The following CCDC15 variants were observed in gnomAD, a reference collection of about 807,000 sequenced individuals.
The protein encoded by CCDC15 is coiled-coil domain containing 15.
Under a neutral mutation model 114.5 loss-of-function variants are expected in CCDC15, and 105 were observed. That is an observed-to-expected ratio of 0.92 (90% CI 0.78 to 1.08). The LOEUF is 1.08. Among genes scored for constraint, CCDC15 ranks in the 50% least tolerant of loss-of-function variants. The pLI is 0.00. For missense variants in CCDC15, 1,105 were observed against 1,093.6 expected, an observed-to-expected ratio of 1.01 and a Z score of -0.15; for synonymous variants, 334 against 377.8, an observed-to-expected ratio of 0.88 and a Z score of 1.34.
chr11:125,038,213 C>T (rs1948789131), intron 13 of CCDC15: 1 of 335,750 alleles, frequency 3.0e-6, no homozygotes, highest in South Asian at 6.7e-5. Context: ...AGCCACCGCA[C>T]CTAGCCAGGA....
intron 9 of CCDC15, among the ~76,000 whole-genome samples, 196 bp from the exon 10 acceptor site, chr11:124,992,384 T>A (rs1483625884): frequency 6.6e-6 from 1 of 152,238 alleles, no homozygotes; most frequent in African/African-American, 2.4e-5. Flanking sequence ...CAGACTATTC[T>A]GTCAATGATG....
At chr11:124,980,151 C>T (rs1211375417) in intron 6 of CCDC15, among the ~76,000 whole-genome samples, 3 of 151,978 alleles carry the variant, frequency 2.0e-5, no homozygotes, top group Non-Finnish European at 1.5e-5. Context: ...CTTTTTGATG[C>T]ACTGCTGGAT....
intron 13 of CCDC15, among the ~76,000 whole-genome samples, chr11:125,023,004 G>T (rs1440920973): frequency 6.6e-6 from 1 of 151,860 alleles, no homozygotes; most frequent in Admixed American, 6.6e-5. Context: ...CATATTTAAA[G>T]GATTTGATAA....
chr11:124,986,595 A>G (rs1463292884), intron 6 of CCDC15, 147 bp from the exon 7 acceptor site: 2 of 820,236 alleles, frequency 2.4e-6, no homozygotes, highest in Non-Finnish European at 3.6e-6. Context: ...TACTAAAATT[A>G]TAATAGCAGT....
chr11:125,024,034 C>T (rs1257386116), intron 13 of CCDC15, among the ~76,000 whole-genome samples: 1 of 152,036 alleles, frequency 6.6e-6, no homozygotes, highest in East Asian at 1.9e-4. Context: ...TCTCAAATCA[C>T]ATTATGGTGG....
In CCDC15 at chr11:124,959,402, T is replaced by C. The variant is rs893257312; in HGVS notation, c.327+138T>C. 23 of 760,522 alleles carry C rather than the reference T, an allele frequency of 3.0e-5. No individual in the cohort carries two copies. In the African/African-American group the frequency reaches 3.5e-4, roughly 12 times the overall value. The allele number at this position is 760,522 out of a possible 1,614,324, so 47.1% of individuals were successfully genotyped here. On this transcript the variant is annotated intron_variant, in intron 3 of 15. Coordinates refer to ENST00000344762, the MANE Select transcript of CCDC15 (RefSeq NM_025004.3). ...CTAATTAACTAGTGAAGACAGTAAA[T>C]TTTTTTTGTAGAGAAACCATGTTTT...
intron 11 of CCDC15, among the ~76,000 whole-genome samples, chr11:125,000,715 A>G (rs1948465357): frequency 6.6e-6 from 1 of 152,236 alleles, no homozygotes; most frequent in Non-Finnish European, 1.5e-5. Flanking sequence ...TTAGAGTCAC[A>G]AAACAAATAA....
chr11:125,011,907 A>G (rs1462041657), intron 13 of CCDC15, among the ~76,000 whole-genome samples: 2 of 152,172 alleles, frequency 1.3e-5, no homozygotes, highest in Non-Finnish European at 2.9e-5. Context: ...ATGAGTGGAG[A>G]GTCAGCCTCC....
chr11:125,010,742 A>G lies in CCDC15; in HGVS notation c.2411+5530A>G, dbSNP rs530604540. Among the ~76,000 whole-genome samples the G allele has an allele frequency of 1.1e-4, 16 of 152,268 alleles. No homozygotes were observed. In the South Asian group the frequency reaches 2.5e-3, roughly 24 times the overall value. On this transcript the variant is annotated intron_variant, in intron 13 of 15. Transcript: ENST00000344762. ...TTGTAAATATCTTCTACCATTCTGTAGGTTGTCTGTTTATGCACTTGATAG... is the reference window on the plus strand; with the variant it reads ...TTGTAAATATCTTCTACCATTCTGTGGGTTGTCTGTTTATGCACTTGATAG...
Position 124,987,388 on chromosome 11 carries a change from A to T in CCDC15, c.1162A>T (p.Thr388Ser). 1 of 1,613,966 alleles carries T rather than the reference A, an allele frequency of 6.2e-7. No homozygotes were observed. Among genetic ancestry groups the T allele is most frequent in the Admixed American group, 1.7e-5 (1 of 60,020 alleles). ...AGAAGGCCAGCCTATTAAGACAGAA[A>T]CTCAGGGTATTATGCTGAAAGCCCA... ...EPEGQPIKTE[T>S]QGIMLKAQSI... The change falls in exon 8 of 16, where the codon ACT becomes TCT. Residue 388 changes from threonine to serine, a missense_variant. Coordinates refer to ENST00000344762, the MANE Select transcript of CCDC15 (RefSeq NM_025004.3).
At chr11:124,991,808 C>T (rs7125299) in intron 9 of CCDC15, among the ~76,000 whole-genome samples, 19,345 of 152,186 alleles carry the variant, frequency 0.13, 1,372 homozygotes, top group Non-Finnish European at 0.15. Context: ...CTCAGCCTCC[C>T]GAGTAGCTGG....
intron 5 of CCDC15, among the ~76,000 whole-genome samples, chr11:124,977,120 A>C (rs374677622): frequency 2.0e-5 from 3 of 152,070 alleles, no homozygotes; most frequent in East Asian, 1.9e-4. Flanking sequence ...GTGACATTAG[A>C]ATCTGTCTGG....
At chr11:125,028,327 G>A (rs766451922) in intron 13 of CCDC15, among the ~76,000 whole-genome samples, 8 of 152,036 alleles carry the variant, frequency 5.3e-5, no homozygotes, top group East Asian at 3.9e-4. Flanking sequence ...TGGGAATTGC[G>A]TTGAATCTGT....
intron 13 of CCDC15, among the ~76,000 whole-genome samples, chr11:125,015,257 T>C (rs949140652): frequency 1.3e-5 from 2 of 152,032 alleles, no homozygotes; most frequent in Middle Eastern, 3.4e-3. Context: ...GCAAAATCGG[T>C]GAAATATAAA....
At position 124,988,096 on chromosome 11, in the gene CCDC15, C is replaced by A. The variant is rs753745832; in HGVS notation, c.1870C>A (p.Pro624Thr). The change falls in exon 8 of 16, where the codon CCC becomes ACC. Residue 624 changes from proline (P) to threonine (T), a missense_variant. Coordinates refer to ENST00000344762, the MANE Select transcript of CCDC15 (RefSeq NM_025004.3). ...TCTCTCCAACGACCAGAATATTCTA[C>A]CCAAATGTCAGGACCAAGATTTTCT... The part of the protein sequence containing the change: ...HVLSNDQNIL[P>T]KCQDQDFLPK... 3.7e-6 allele frequency: 6 copies of A among 1,613,296 alleles called. No homozygotes were observed. In the African/African-American group the frequency reaches 6.7e-5, roughly 18 times the overall value.
chr11:124,981,953 T>C (rs1565364066), intron 6 of CCDC15, among the ~76,000 whole-genome samples: 1 of 152,170 alleles, frequency 6.6e-6, no homozygotes, highest in African/African-American at 2.4e-5. Flanking sequence ...AGAACTTGCT[T>C]TATGAATCTG....
chr11:124,960,809 C>G (rs1947646592), intron 4 of CCDC15, among the ~76,000 whole-genome samples: 1 of 152,138 alleles, frequency 6.6e-6, no homozygotes, highest in Admixed American at 6.5e-5. Context: ...CCAGTTGATA[C>G]AGTCTTCAAC....
At chr11:124,976,681 T>C (rs1241377545) in intron 5 of CCDC15, among the ~76,000 whole-genome samples, 2 of 152,234 alleles carry the variant, frequency 1.3e-5, no homozygotes, top group South Asian at 2.1e-4. Context: ...GCTTGGAACA[T>C]GCTCAGACCT....
intron 13 of CCDC15, among the ~76,000 whole-genome samples, chr11:125,033,215 A>G (rs146819559): frequency 0.011 from 1,600 of 152,240 alleles, 33 homozygotes; most frequent in African/African-American, 0.037. Flanking sequence ...TGCTTATATA[A>G]ATTAAGTAGG....
Sources: gnomAD v4.1 joint callset for allele counts (sites outside exome capture counted in the v4.1 genomes callset) on GRCh38, gnomAD v4.1.1 for gene constraint, MANE v1.5 for transcripts, NCBI Gene and HGNC (gene_info 2026-07-23, HGNC 2026-07-21) for gene names.